The following MAF variants were observed in gnomAD, a reference collection of about 807,000 sequenced individuals.
MAF encodes the protein MAF bZIP transcription factor, also known as transcription factor Maf.
In MAF, 10 loss-of-function variants were observed where a neutral mutation model predicts 22.0. The observed-to-expected ratio is 0.45, with a 90% confidence interval of 0.28 to 0.77. The LOEUF (loss-of-function observed/expected upper bound fraction) is 0.77, where lower values mean the gene tolerates loss of function less well. Ranked by LOEUF, MAF falls within the 30% of genes least tolerant of loss-of-function variation. MAF has a pLI of 0.12. For synonymous variants in MAF, 337 were observed against 255.8 expected, an observed-to-expected ratio of 1.32 and a Z score of -3.03; for missense variants, 544 against 548.4, an observed-to-expected ratio of 0.99 and a Z score of 0.08.
At chr16:79,304,003 C>T in the MAF span, among the ~76,000 whole-genome samples, 3 of 152,200 alleles carry the variant, frequency 2.0e-5, no homozygotes, top group African/African-American at 7.2e-5. Context: ...TGGATACATT[C>T]AGTGGAAATA....
the MAF span, among the ~76,000 whole-genome samples, chr16:79,377,515 G>A: frequency 3.0e-4 from 45 of 152,318 alleles, no homozygotes; most frequent in South Asian, 6.2e-4. Context: ...TTGCTGTGCA[G>A]GAGCTCTTTC....
chr16:79,408,090 A>AC, the MAF span, among the ~76,000 whole-genome samples: 2 of 149,366 alleles, frequency 1.3e-5, no homozygotes, highest in African/African-American at 2.4e-5. Context: ...AAAAAAAAAA[A>AC]AAAAAAAAAA....
the MAF span, among the ~76,000 whole-genome samples, chr16:79,492,971 T>TC: frequency 6.6e-6 from 1 of 151,640 alleles, no homozygotes; most frequent in Non-Finnish European, 1.5e-5. Flanking sequence ...TTTTCTTTTT[T>TC]TTTTGGAGGT....
At chr16:79,465,061 C>T in the MAF span, among the ~76,000 whole-genome samples, 1 of 152,134 alleles carries the variant, frequency 6.6e-6, no homozygotes. Context: ...GACCAACAGC[C>T]ACCAGGGAGA....
At chr16:79,415,801 C>T in the MAF span, among the ~76,000 whole-genome samples, 1 of 151,922 alleles carries the variant, frequency 6.6e-6, no homozygotes, top group Admixed American at 6.6e-5. Flanking sequence ...ATTAAAAATC[C>T]CGGAGCCTCA....
At chr16:79,333,682 A>G in the MAF span, among the ~76,000 whole-genome samples, 1 of 152,210 alleles carries the variant, frequency 6.6e-6, no homozygotes, top group Admixed American at 6.5e-5. Flanking sequence ...CTGGATCCCA[A>G]CATCTCTCCT....
the MAF span, among the ~76,000 whole-genome samples, chr16:79,548,605 T>C: frequency 6.6e-6 from 1 of 152,208 alleles, no homozygotes; most frequent in East Asian, 1.9e-4. Context: ...TGATGAAGAG[T>C]CTTGTGTTTT....
the MAF span, among the ~76,000 whole-genome samples, chr16:79,532,462 C>A: frequency 6.6e-6 from 1 of 152,230 alleles, no homozygotes; most frequent in Non-Finnish European, 1.5e-5. Flanking sequence ...CAGTTTATCT[C>A]AGCTCCAATC....
chr16:79,543,446 T>C, the MAF span, among the ~76,000 whole-genome samples: 1 of 152,196 alleles, frequency 6.6e-6, no homozygotes, highest in African/African-American at 2.4e-5. Context: ...AAAGAGCATG[T>C]GGTGGACACC....
the MAF span, among the ~76,000 whole-genome samples, chr16:79,462,725 C>A: frequency 3.3e-5 from 5 of 152,208 alleles, no homozygotes; most frequent in African/African-American, 1.2e-4. Context: ...CCTCTTGTGA[C>A]CCATGCTCTC....
At chr16:79,458,062 C>T in the MAF span, among the ~76,000 whole-genome samples, 1 of 149,110 alleles carries the variant, frequency 6.7e-6, no homozygotes, top group Non-Finnish European at 1.5e-5. Context: ...AAAAATTGTC[C>T]ATCATCCCAC....
chr16:79,516,158 A>C, the MAF span: 1 of 152,120 alleles, frequency 6.6e-6, no homozygotes, highest in Non-Finnish European at 1.5e-5. Flanking sequence ...AGCGCATAGA[A>C]GTAAGACCCT....
chr16:79,393,966 G>T, the MAF span, among the ~76,000 whole-genome samples: 20 of 152,272 alleles, frequency 1.3e-4, no homozygotes, highest in African/African-American at 4.8e-4. Flanking sequence ...AACATTGTAT[G>T]TATTGCCTCA....
At chr16:79,491,477 A>C in the MAF span, among the ~76,000 whole-genome samples, 1 of 152,154 alleles carries the variant, frequency 6.6e-6, no homozygotes, top group Non-Finnish European at 1.5e-5. Flanking sequence ...CTCGAGTCCC[A>C]GTCAATTCTG....
chr16:79,446,775 G>A, the MAF span, among the ~76,000 whole-genome samples: 1 of 151,978 alleles, frequency 6.6e-6, no homozygotes. Context: ...CGAGCACAGT[G>A]GTAAGCACCT....
chr16:79,266,241 G>A, the MAF span, among the ~76,000 whole-genome samples: 1 of 152,016 alleles, frequency 6.6e-6, no homozygotes, highest in Non-Finnish European at 1.5e-5. Context: ...TACTCAGAAT[G>A]GCACACAATT....
At chr16:79,507,309 G>A in the MAF span, among the ~76,000 whole-genome samples, 1 of 149,654 alleles carries the variant, frequency 6.7e-6, no homozygotes, top group South Asian at 2.1e-4. Context: ...GTGGAGACCA[G>A]GTTTCATTGT....
the MAF span, chr16:79,206,491 G>C: frequency 3.3e-5 from 5 of 152,188 alleles, no homozygotes; most frequent in East Asian, 3.9e-4. Flanking sequence ...GGCTCATAGA[G>C]CTCTGTGAGG....
the MAF span, among the ~76,000 whole-genome samples, chr16:79,219,969 T>G: frequency 6.6e-6 from 1 of 152,230 alleles, no homozygotes; most frequent in East Asian, 1.9e-4. Flanking sequence ...AATGTTCTGT[T>G]AAACAAAATG....
Sources: gnomAD v4.1 joint callset for allele counts (sites outside exome capture counted in the v4.1 genomes callset) on GRCh38, gnomAD v4.1.1 for gene constraint, MANE v1.5 for transcripts, NCBI Gene and HGNC (gene_info 2026-07-23, HGNC 2026-07-21) for gene names.